The following DYNC2H1 variants were observed in gnomAD, a reference collection of about 807,000 sequenced individuals.
DYNC2H1 encodes the protein dynein cytoplasmic 2 heavy chain 1.
In DYNC2H1, 410 loss-of-function variants were observed where a neutral mutation model predicts 570.0. The observed-to-expected ratio is 0.72, with a 90% CI of 0.66 to 0.78. The LOEUF (loss-of-function observed/expected upper bound fraction) is 0.78, where lower values mean the gene tolerates loss of function less well. Among genes scored for constraint, DYNC2H1 ranks in the 30% least tolerant of loss-of-function variants. The probability of loss-of-function intolerance (pLI) is 0.00; values close to 1 mark genes in which losing one functional copy is unlikely to be tolerated. For missense variants in DYNC2H1, 4,865 were observed against 5,046.4 expected (o/e 0.96, Z 1.09); for synonymous variants, 1,688 against 1,677.6 (o/e 1.01, Z -0.15).
intron 82 of DYNC2H1, among the ~76,000 whole-genome samples, chr11:103,347,879 G>T (rs894213387): frequency 6.6e-6 from 1 of 152,042 alleles, no homozygotes; most frequent in Non-Finnish European, 1.5e-5. Context: ...ACCAACCCCA[G>T]TTTCTGGATA....
chr11:103,379,217 C>T (rs1591652471), intron 83 of DYNC2H1, among the ~76,000 whole-genome samples: 1 of 152,318 alleles, frequency 6.6e-6, no homozygotes, highest in East Asian at 1.9e-4. Context: ...ACCATGTTCT[C>T]TCCTCCTGCT....
chr11:103,153,189 A>G (rs971025979), intron 21 of DYNC2H1, 114 bp from the exon 22 acceptor site: 2 of 852,698 alleles, frequency 2.3e-6, no homozygotes, highest in Non-Finnish European at 3.5e-6. Context: ...TGAAAAGTTG[A>G]CATTGGTCAT....
intron 45 of DYNC2H1, among the ~76,000 whole-genome samples, chr11:103,190,618 A>C (rs947667536): frequency 2.0e-5 from 3 of 152,152 alleles, no homozygotes; most frequent in African/African-American, 7.2e-5. Flanking sequence ...TGTTTGTGGA[A>C]GATGCTTTTT....
At chr11:103,423,128 A>C (rs1190020230) in intron 84 of DYNC2H1, among the ~76,000 whole-genome samples, 1 of 152,132 alleles carries the variant, frequency 6.6e-6, no homozygotes, top group Non-Finnish European at 1.5e-5. Flanking sequence ...TTGTCATCAA[A>C]ATACTGTGGC....
chr11:103,343,411 T>G (rs1434633279), intron 82 of DYNC2H1, among the ~76,000 whole-genome samples: 1 of 151,742 alleles, frequency 6.6e-6, no homozygotes, highest in Non-Finnish European at 1.5e-5. Flanking sequence ...CCTATAAGAA[T>G]GATTTCTAGT....
chr11:103,209,910 G>C lies in DYNC2H1; in HGVS notation c.8489G>C (p.Gly2830Ala). 1 of 1,494,154 alleles carries C rather than the reference G, an allele frequency of 6.7e-7. No homozygotes were observed. 92.6% of individuals were successfully genotyped at this position (1,494,154 alleles called of 1,614,324 possible). A position where few individuals can be genotyped will look rare whatever the true frequency, so the allele number is the denominator to read the frequency against. The change falls in exon 53 of 89, where the codon GGA becomes GCA. Residue 2830 changes from glycine (G) to alanine (A), a missense_variant. Physicochemically the swap from Gly to Ala is moderately conservative, Grantham distance 60. Coordinates refer to ENST00000375735, the MANE Select transcript of DYNC2H1 (RefSeq NM_001377.3). The surrounding 1 kb of genome is among the most constrained non-coding windows in gnomAD (Gnocchi z 4.2). ...PEMLFSETGG[G>A]EKYNDKKRKE... ...ATGTTATTCAGTGAAACAGGTGGTG[G>C]AGAAAAATACAATGATAAAAAACGA...
At chr11:103,234,498 C>G (rs1864146990) in intron 61 of DYNC2H1, among the ~76,000 whole-genome samples, 1 of 151,888 alleles carries the variant, frequency 6.6e-6, no homozygotes, top group Non-Finnish European at 1.5e-5. Context: ...ACACTGTTGG[C>G]TATTTATTTT....
intron 82 of DYNC2H1, among the ~76,000 whole-genome samples, chr11:103,343,407 A>G (rs1939576814): frequency 6.6e-6 from 1 of 151,874 alleles, no homozygotes; most frequent in Non-Finnish European, 1.5e-5. Flanking sequence ...TTCTCCTATA[A>G]GAATGATTTC....
At chr11:103,259,047 T>C (rs1865168016) in intron 69 of DYNC2H1, among the ~76,000 whole-genome samples, 1 of 152,252 alleles carries the variant, frequency 6.6e-6, no homozygotes. Flanking sequence ...GTTTTCTTTA[T>C]ACCAATTTCA....
intron 88 of DYNC2H1, among the ~76,000 whole-genome samples, chr11:103,469,724 G>C (rs1945312682): frequency 6.6e-6 from 1 of 152,114 alleles, no homozygotes; most frequent in African/African-American, 2.4e-5. Context: ...GTGACTATAA[G>C]ATAAAGGAGA....
chr11:103,410,870 A>C (rs765418502), intron 84 of DYNC2H1, among the ~76,000 whole-genome samples: 3 of 152,176 alleles, frequency 2.0e-5, no homozygotes, highest in Non-Finnish European at 4.4e-5. Flanking sequence ...AGTATAGCTT[A>C]AACGTTCATT....
chr11:103,242,296 A>G (rs11825632), intron 63 of DYNC2H1, among the ~76,000 whole-genome samples: 3,470 of 152,280 alleles, frequency 0.023, 116 homozygotes, highest in African/African-American at 0.078. Context: ...TAACAACAAC[A>G]ATAATAAAAT....
intron 82 of DYNC2H1, among the ~76,000 whole-genome samples, chr11:103,353,953 C>CGGATCACGAGGTCAGG (rs1555109099): frequency 6.6e-6 from 1 of 151,702 alleles, no homozygotes; most frequent in Non-Finnish European, 1.5e-5. Flanking sequence ...CCGAGGCAGG[C>CGGATCACGAGGTCAGG]GGATCACGAG....
At position 103,170,324 on chromosome 11, in the gene DYNC2H1, G is replaced by A; in HGVS notation, c.5151+34G>A. On this transcript the variant is annotated intron_variant, in intron 33 of 88. Transcript: ENST00000375735. This position sits in a 1 kb window ranked among gnomAD's most constrained non-coding sequence, Gnocchi z 4.8. ...AATAATTATCAAAATATGTAACAAT[G>A]GGTTAATCATATTTAGATTAGTTTC... The A allele has an allele frequency of 6.7e-7, 1 of 1,497,172 alleles. No individual in the cohort carries two copies. The highest frequency in any genetic ancestry group is 8.9e-7 in the Non-Finnish European group (1 of 1,119,976). 92.7% of individuals were successfully genotyped at this position (1,497,172 alleles called of 1,614,324 possible). A position where few individuals can be genotyped will look rare whatever the true frequency, so the allele number is the denominator to read the frequency against.
chr11:103,345,644 G>C (rs1939706354), intron 82 of DYNC2H1, among the ~76,000 whole-genome samples: 2 of 152,274 alleles, frequency 1.3e-5, no homozygotes, highest in South Asian at 4.1e-4. Flanking sequence ...TAAGGCTGAT[G>C]TGGCTGAAGC....
chr11:103,420,922 C>T (rs1943464737), intron 84 of DYNC2H1, among the ~76,000 whole-genome samples: 1 of 152,192 alleles, frequency 6.6e-6, no homozygotes. Context: ...AATTAAAAGA[C>T]ACAGAGTGGC....
chr11:103,280,540 T>C lies in DYNC2H1; in HGVS notation c.10761+127T>C. ...TCAACCTATTAATCTTTTACTAAGT[T>C]AGAAATGTAGTATAAAATGGTGATT... is the stretch of plus-strand genomic sequence containing the variant. On this transcript the variant is annotated intron_variant, in intron 71 of 88. Coordinates refer to ENST00000375735, the MANE Select transcript of DYNC2H1 (RefSeq NM_001377.3). The surrounding 1 kb of genome is among the most constrained non-coding windows in gnomAD (Gnocchi z 4.7). 1 of 831,746 alleles carries C rather than the reference T, an allele frequency of 1.2e-6. No individual in the cohort carries two copies. 51.5% of individuals were successfully genotyped at this position (831,746 alleles called of 1,614,324 possible).
Position 103,179,243 on chromosome 11 carries a change from A to G in DYNC2H1, c.6347+10A>G, listed in dbSNP as rs1861753117. The G allele has an allele frequency of 6.2e-7, 1 of 1,611,176 alleles. No homozygotes were observed. Among genetic ancestry groups the G allele is most frequent in the African/African-American group, 1.3e-5 (1 of 74,850 alleles). Reference sequence around the variant, plus strand: ...GAATGATCTTTCTTAGGTAAGCCATAGATTATTTATATACAGTATATTAGA... The same window carrying G: ...GAATGATCTTTCTTAGGTAAGCCATGGATTATTTATATACAGTATATTAGA... On this transcript the variant is annotated intron_variant, in intron 39 of 88. Transcript: ENST00000375735.
At chr11:103,123,379 C>G (rs929944139) in intron 11 of DYNC2H1, among the ~76,000 whole-genome samples, 12 of 151,978 alleles carry the variant, frequency 7.9e-5, no homozygotes, top group Non-Finnish European at 1.5e-4. Flanking sequence ...TTTTTAAACT[C>G]CTTGAGACAG....
Sources: gnomAD v4.1 joint callset for allele counts (sites outside exome capture counted in the v4.1 genomes callset) on GRCh38, gnomAD v4.1.1 for gene constraint, Gnocchi (gnomAD v3.1) non-coding constraint, MANE v1.5 for transcripts, NCBI Gene and HGNC (gene_info 2026-07-23, HGNC 2026-07-21) for gene names.